Variants in SGCZ observed in about 807,000 individuals in gnomAD.
SGCZ encodes zeta-sarcoglycan.
Under a neutral mutation model 41.3 loss-of-function variants are expected in SGCZ, and 40 were observed. The observed-to-expected ratio is 0.97, with a 90% CI of 0.75 to 1.26. SGCZ has a LOEUF of 1.26. Among genes scored for constraint, SGCZ ranks in the 50% most tolerant of loss-of-function variants. SGCZ has a pLI of 0.00. For missense variants in SGCZ, 552 were observed against 369.8 expected, an observed-to-expected ratio of 1.49 and a Z score of -4.04; for synonymous variants, 206 against 137.5, an observed-to-expected ratio of 1.50 and a Z score of -3.49.
intron 2 of SGCZ, among the ~76,000 whole-genome samples, chr8:14,341,956 C>T (rs1408277024): frequency 6.6e-6 from 1 of 152,008 alleles, no homozygotes; most frequent in Non-Finnish European, 1.5e-5. Context: ...TAAATTTGTA[C>T]CAGTAGAATG....
In SGCZ at chr8:14,353,956, C is replaced by T. The variant is rs535155007; in HGVS notation, c.235-29752G>A. 1.6e-3 allele frequency among the ~76,000 whole-genome samples: 246 copies of T among 152,156 alleles called. 2 individuals carry two copies. Among genetic ancestry groups the T allele is most frequent in the African/African-American group, 5.2e-3 (217 of 41,552 alleles). On this transcript the variant is annotated intron_variant, in intron 2 of 7. Transcript: ENST00000382080. ...ACAGAAATAATTTGGAGAAGTCTAG[C>T]TTATTCCTGAATCTAGTTCTCATAA...
At chr8:14,747,700 TG>T in intron 1 of SGCZ, among the ~76,000 whole-genome samples, 1 of 82,942 alleles carries the variant, frequency 1.2e-5, no homozygotes, top group Non-Finnish European at 2.7e-5. Context: ...TATGTGTGTG[TG>T]TATTTGTGTG....
chr8:15,208,835 G>C (rs1021373936), intron 1 of SGCZ, among the ~76,000 whole-genome samples: 26 of 151,596 alleles, frequency 1.7e-4, no homozygotes, highest in African/African-American at 5.8e-4. Flanking sequence ...CATATATATG[G>C]AGTAGTATCT....
At chr8:14,807,298 T>C (rs2130524172) in intron 1 of SGCZ, among the ~76,000 whole-genome samples, 1 of 152,282 alleles carries the variant, frequency 6.6e-6, no homozygotes, top group Non-Finnish European at 1.5e-5. Flanking sequence ...TTGTCCCTGT[T>C]TGCAGACGAC....
intron 3 of SGCZ, among the ~76,000 whole-genome samples, chr8:14,320,107 T>C (rs938883442): frequency 1.3e-5 from 2 of 151,956 alleles, no homozygotes; most frequent in Non-Finnish European, 2.9e-5. Flanking sequence ...ATGTTAACAG[T>C]ATTTTTTTTT....
intron 1 of SGCZ, among the ~76,000 whole-genome samples, chr8:14,630,557 A>C (rs937268411): frequency 6.6e-6 from 1 of 152,118 alleles, no homozygotes; most frequent in African/African-American, 2.4e-5. Context: ...ATGCTGCTAT[A>C]AAGACACATG....
intron 1 of SGCZ, among the ~76,000 whole-genome samples, chr8:15,003,540 T>C (rs971264505): frequency 2.0e-5 from 3 of 152,144 alleles, no homozygotes; most frequent in East Asian, 3.9e-4. Flanking sequence ...AGTCAAACCA[T>C]ACAATTAAAA....
At chr8:14,826,434 T>A (rs1356676799) in intron 1 of SGCZ, among the ~76,000 whole-genome samples, 1 of 152,162 alleles carries the variant, frequency 6.6e-6, no homozygotes, top group Non-Finnish European at 1.5e-5. Context: ...TTTATAATCC[T>A]TTGGGGATAT....
chr8:15,214,170 TG>T (rs2117167219), intron 1 of SGCZ, among the ~76,000 whole-genome samples: 1 of 152,168 alleles, frequency 6.6e-6, no homozygotes, highest in African/African-American at 2.4e-5. Flanking sequence ...GCACCAAAAG[TG>T]GCATTGAAAT....
chr8:14,263,059 T>C (rs1017521690), intron 3 of SGCZ, among the ~76,000 whole-genome samples: 50 of 152,228 alleles, frequency 3.3e-4, no homozygotes, highest in African/African-American at 9.6e-4. Flanking sequence ...ATTTTGGAAT[T>C]GTTTCATGAA....
intron 2 of SGCZ, among the ~76,000 whole-genome samples, chr8:14,431,306 T>C (rs2117336856): frequency 6.6e-6 from 1 of 152,288 alleles, no homozygotes; most frequent in East Asian, 1.9e-4. Context: ...AAGATCTTAT[T>C]CACCCGAATA....
At chr8:14,321,316 A>C (rs960242918) in intron 3 of SGCZ, among the ~76,000 whole-genome samples, 1 of 152,032 alleles carries the variant, frequency 6.6e-6, no homozygotes, top group Non-Finnish European at 1.5e-5. Context: ...TAACTTTTGA[A>C]AAGCCTGAAG....
At chr8:14,872,788 G>T (rs1563329758) in intron 1 of SGCZ, among the ~76,000 whole-genome samples, 1 of 151,988 alleles carries the variant, frequency 6.6e-6, no homozygotes, top group African/African-American at 2.4e-5. Context: ...CCTTGAATAT[G>T]GCTATACTAT....
chr8:14,343,299 G>A (rs1413229185), intron 2 of SGCZ, among the ~76,000 whole-genome samples: 1 of 152,166 alleles, frequency 6.6e-6, no homozygotes, highest in Non-Finnish European at 1.5e-5. Context: ...GCTGCAAGAA[G>A]AGGGCCACCA....
intron 1 of SGCZ, among the ~76,000 whole-genome samples, chr8:14,791,669 T>G (rs542849626): frequency 6.6e-6 from 1 of 152,290 alleles, no homozygotes; most frequent in Non-Finnish European, 1.5e-5. Flanking sequence ...TACACACAAG[T>G]GGCAGCCTCT....
At chr8:14,401,408 G>C (rs1231177024) in intron 2 of SGCZ, among the ~76,000 whole-genome samples, 2 of 147,862 alleles carry the variant, frequency 1.4e-5, no homozygotes, top group East Asian at 2.0e-4. Context: ...TCTAGCATTA[G>C]GTATATCTCC....
rs1392387601 is a variant in SGCZ at position 14,089,784 on chromosome 8, A to G, written c.*659T>C. On this transcript the variant is annotated 3_prime_UTR_variant, in exon 8 of 8. Coordinates refer to ENST00000382080, the MANE Select transcript of SGCZ (RefSeq NM_139167.4). Reference sequence around the variant, plus strand: ...AAGGATATATTGCTGAGTGCTTTCAAAATTACCTGATGTACAAAATTCTAG... The same window carrying G: ...AAGGATATATTGCTGAGTGCTTTCAGAATTACCTGATGTACAAAATTCTAG... 1 of 152,152 alleles carries G rather than the reference A, an allele frequency of 6.6e-6. No homozygotes were observed. The highest frequency in any genetic ancestry group is 1.5e-5 in the Non-Finnish European group (1 of 67,976). The allele number at this position is 152,152 out of a possible 1,614,324, so 9.4% of individuals were successfully genotyped here.
intron 2 of SGCZ, among the ~76,000 whole-genome samples, chr8:14,530,915 T>A (rs1461857): frequency 0.76 from 116,014 of 151,996 alleles, 44,593 homozygotes; most frequent in Non-Finnish European, 0.8. Flanking sequence ...AATAGGTAAG[T>A]GAGGCTCTAC....
chr8:15,107,022 C>T (rs574534366), intron 1 of SGCZ, among the ~76,000 whole-genome samples: 43 of 152,246 alleles, frequency 2.8e-4, no homozygotes, highest in African/African-American at 8.9e-4. Context: ...ATTACTACTG[C>T]TGATCTAAAT....
Sources: gnomAD v4.1 joint callset for allele counts (sites outside exome capture counted in the v4.1 genomes callset) on GRCh38, gnomAD v4.1.1 for gene constraint, MANE v1.5 for transcripts, NCBI Gene and HGNC (gene_info 2026-07-23, HGNC 2026-07-21) for gene names.